The following SLC7A7 variants were observed in gnomAD, a reference collection of about 807,000 sequenced individuals.
SLC7A7 encodes Y+L amino acid transporter 1.
In SLC7A7, 39 loss-of-function variants were observed where a neutral mutation model predicts 47.9. The ratio of observed to expected loss-of-function variants is 0.81; its 90% CI spans 0.63 to 1.06. SLC7A7 has a LOEUF of 1.06. Among genes scored for constraint, SLC7A7 ranks in the 50% least tolerant of loss-of-function variants. The pLI is 0.00. For missense variants in SLC7A7, 588 were observed against 632.0 expected (o/e 0.93, Z 0.75); for synonymous variants, 234 against 242.8 (o/e 0.96, Z 0.34).
chr14:22,815,949 G>T, upstream of SLC7A7: 1 of 330,010 alleles, frequency 3.0e-6, no homozygotes, highest in Non-Finnish European at 6.0e-6. Context: ...TGTTCTAAGA[G>T]AACTCTGCAC....
At chr14:22,782,432 A>G (rs2038735579) in intron 2 of SLC7A7, among the ~76,000 whole-genome samples, 1 of 147,636 alleles carries the variant, frequency 6.8e-6, no homozygotes, top group Non-Finnish European at 1.5e-5. Flanking sequence ...TTATTTACTT[A>G]TTTATTGACT....
At position 22,773,380 on chromosome 14, in the gene SLC7A7, A is replaced by G; in HGVS notation, c.*230T>C. 2 of 624,880 alleles carry G rather than the reference A, an allele frequency of 3.2e-6. No homozygotes were observed. Among genetic ancestry groups the G allele is most frequent in the Non-Finnish European group, 5.9e-6 (2 of 336,976 alleles). The allele number at this position is 624,880 out of a possible 1,614,324, so 38.7% of individuals were successfully genotyped here. A position where few individuals can be genotyped will look rare whatever the true frequency, so the allele number is the denominator to read the frequency against. On this transcript the variant is annotated 3_prime_UTR_variant, in exon 10 of 10. Transcript: ENST00000674313. ...TAAAACAACCAAGCCCAAACCTGACATGCTCCTCCCCACAGTCACCTTCAT... is the reference window on the plus strand; with the variant it reads ...TAAAACAACCAAGCCCAAACCTGACGTGCTCCTCCCCACAGTCACCTTCAT...
At chr14:22,806,187 CTTTTTTTTTTTT>C (rs77783824) in intron 2 of SLC7A7, among the ~76,000 whole-genome samples, 2 of 78,296 alleles carry the variant, frequency 2.6e-5, no homozygotes, top group African/African-American at 5.4e-5. Flanking sequence ...ACATCAATCT[CTTTTTTTTTTTT>C]TTTTTTTTTT....
At chr14:22,789,637 A>G (rs1390212129) in intron 2 of SLC7A7, among the ~76,000 whole-genome samples, 2 of 151,970 alleles carry the variant, frequency 1.3e-5, no homozygotes, top group East Asian at 1.9e-4. Flanking sequence ...CAAAAAAAAA[A>G]AAAAAAAAGA....
intron 2 of SLC7A7, among the ~76,000 whole-genome samples, chr14:22,792,060 T>C (rs1306528337): frequency 6.6e-6 from 1 of 151,928 alleles, no homozygotes; most frequent in Non-Finnish European, 1.5e-5. Flanking sequence ...TGGTCTCAAT[T>C]TCCTGACCCC....
chr14:22,776,040 T>A, intron 5 of SLC7A7, 104 bp from the exon 6 acceptor site: 1 of 1,421,032 alleles, frequency 7.0e-7, no homozygotes, highest in Non-Finnish European at 1.0e-6. Context: ...CAACCTTTCT[T>A]CCACAGTGGG....
At chr14:22,812,828 TC>T in intron 2 of SLC7A7, 71 bp downstream of exon 2, 1 of 1,473,338 alleles carries the variant, frequency 6.8e-7, no homozygotes. Flanking sequence ...TCCTTCTTAC[TC>T]CCAGACTGCA....
At chr14:22,789,674 G>C (rs2038890949) in intron 2 of SLC7A7, among the ~76,000 whole-genome samples, 1 of 150,960 alleles carries the variant, frequency 6.6e-6, no homozygotes, top group Non-Finnish European at 1.5e-5. Context: ...AATGAAGATT[G>C]CTAATCAAGT....
In SLC7A7 at chr14:22,788,051, T is replaced by C. The variant is rs538331943; in HGVS notation, c.500-8000A>G. ...TCGCGCCACCGCACTCCAGCCTGGG[T>C]GACAGAGCGAGAGTTCGTCTCAAAA... On this transcript the variant is annotated intron_variant, in intron 2 of 9. Transcript: ENST00000674313. Among the ~76,000 whole-genome samples the C allele has an allele frequency of 4.5e-3, 683 of 151,890 alleles. 2 individuals are homozygous for C. Among genetic ancestry groups the C allele is most frequent in the South Asian group, 0.012 (57 of 4,810 alleles).
intron 2 of SLC7A7, among the ~76,000 whole-genome samples, chr14:22,790,774 C>T (rs968291457): frequency 2.0e-4 from 30 of 152,066 alleles, no homozygotes; most frequent in Non-Finnish European, 3.7e-4. Context: ...CGGAGGCAGA[C>T]GAATCACGAG....
intron 2 of SLC7A7, among the ~76,000 whole-genome samples, chr14:22,794,038 A>G (rs7157097): frequency 0.87 from 131,708 of 152,026 alleles, 57,969 homozygotes; most frequent in East Asian, 0.98. Flanking sequence ...ATTCCCTGTG[A>G]TTTCATCTCT....
chr14:22,814,060 G>A (rs1177376622), intron 1 of SLC7A7, among the ~76,000 whole-genome samples: 1 of 151,696 alleles, frequency 6.6e-6, no homozygotes, highest in African/African-American at 2.4e-5. Context: ...AAAGTGCTGG[G>A]ATTACAGGCG....
intron 3 of SLC7A7, 51 bp from the exon 4 acceptor site, chr14:22,778,988 C>T: frequency 6.2e-7 from 1 of 1,609,740 alleles, no homozygotes; most frequent in African/African-American, 1.3e-5. Flanking sequence ...CATTCTCCCA[C>T]TTCAAGATGG....
Position 22,795,247 on chromosome 14 carries a change from ATTT to A in SLC7A7, c.500-15199_500-15197del, listed in dbSNP as rs10574852. Reference sequence around the variant, plus strand: ...AGGCATGCACCACCATGCCCAATTAATTTTTTTTTTTTTTTTTTGTAGAGACCA... The same window carrying A: ...AGGCATGCACCACCATGCCCAATTAATTTTTTTTTTTTTTTGTAGAGACCA... On this transcript the variant is annotated intron_variant, in intron 2 of 9. Transcript: ENST00000674313. Among the ~76,000 whole-genome samples, 174 of 114,844 alleles carry A rather than the reference ATTT, an allele frequency of 1.5e-3. 1 individual carries two copies. In the East Asian group the frequency reaches 0.015, roughly 10 times the overall value. The allele number at this position is 114,844 out of a possible 152,430, so 75.3% of individuals were successfully genotyped here.
chr14:22,808,117 T>C (rs1260842834), intron 2 of SLC7A7, among the ~76,000 whole-genome samples: 4 of 149,406 alleles, frequency 2.7e-5, no homozygotes, highest in Admixed American at 1.3e-4. Flanking sequence ...TGAGGCGAGA[T>C]CACACCACTG....
intron 6 of SLC7A7, 130 bp from the exon 7 acceptor site, chr14:22,775,670 C>T: frequency 1.1e-6 from 1 of 945,214 alleles, no homozygotes; most frequent in South Asian, 1.3e-5. Flanking sequence ...GACTGGAGCT[C>T]AGTATTAAGA....
intron 2 of SLC7A7, among the ~76,000 whole-genome samples, chr14:22,793,629 T>C (rs989618905): frequency 3.9e-5 from 6 of 151,986 alleles, no homozygotes; most frequent in African/African-American, 7.3e-5. Flanking sequence ...CTGGGCAACA[T>C]GGTGAAAACC....
intron 2 of SLC7A7, among the ~76,000 whole-genome samples, chr14:22,803,146 A>G (rs948664485): frequency 6.6e-6 from 1 of 152,222 alleles, no homozygotes; most frequent in Admixed American, 6.5e-5. Flanking sequence ...GAGGCCAGGC[A>G]CGGTGGCTCA....
chr14:22,815,286 G>C (rs116327350), intron 1 of SLC7A7, 34 bp downstream of exon 1: 2 of 443,370 alleles, frequency 4.5e-6, no homozygotes, highest in Non-Finnish European at 9.1e-6. Context: ...AGCAAGGTAA[G>C]TGGAGATGAG....
Sources: gnomAD v4.1 joint callset for allele counts (sites outside exome capture counted in the v4.1 genomes callset) on GRCh38, gnomAD v4.1.1 for gene constraint, MANE v1.5 for transcripts, NCBI Gene and HGNC (gene_info 2026-07-23, HGNC 2026-07-21) for gene names.